Variants in GRM8 observed in about 807,000 individuals in gnomAD.
GRM8 encodes the protein metabotropic glutamate receptor 8.
GRM8 carries 47 observed loss-of-function variants against 87.2 expected under a neutral mutation model. That is an observed-to-expected ratio of 0.54 (90% confidence interval 0.43 to 0.69). The LOEUF (loss-of-function observed/expected upper bound fraction) is 0.69. Ranked by LOEUF, GRM8 falls within the 30% of genes least tolerant of loss-of-function variation. GRM8 has a pLI of 0.00. For missense variants in GRM8, 1,019 were observed against 1,139.2 expected, an observed-to-expected ratio of 0.89 and a Z score of 1.52; for synonymous variants, 396 against 404.5, an observed-to-expected ratio of 0.98 and a Z score of 0.25.
chr7:126,749,748 G>C (rs1816191800), intron 7 of GRM8, among the ~76,000 whole-genome samples: 1 of 151,968 alleles, frequency 6.6e-6, no homozygotes, highest in Non-Finnish European at 1.5e-5. Flanking sequence ...GATAACTAGT[G>C]ACCAGAGAAA....
intron 3 of GRM8, among the ~76,000 whole-genome samples, chr7:127,024,580 T>A (rs1816591832): frequency 6.6e-6 from 1 of 152,086 alleles, no homozygotes; most frequent in Admixed American, 6.6e-5. Flanking sequence ...GACATCTCTT[T>A]GCTGACTGAA....
At chr7:126,935,174 T>C (rs2131478309) in intron 3 of GRM8, among the ~76,000 whole-genome samples, 1 of 152,278 alleles carries the variant, frequency 6.6e-6, no homozygotes, top group South Asian at 2.1e-4. Flanking sequence ...ATGCAAATCT[T>C]GCATTCTACA....
At chr7:126,771,989 G>C (rs763268466) in intron 6 of GRM8, among the ~76,000 whole-genome samples, 1 of 152,052 alleles carries the variant, frequency 6.6e-6, no homozygotes, top group African/African-American at 2.4e-5. Flanking sequence ...AACACTGCTT[G>C]TTCCCAGAAT....
At chr7:126,763,009 A>G (rs893355213) in intron 7 of GRM8, among the ~76,000 whole-genome samples, 6 of 151,816 alleles carry the variant, frequency 4.0e-5, no homozygotes, top group Non-Finnish European at 8.8e-5. Flanking sequence ...GTTTATTAAC[A>G]TTTACAAGTT....
At chr7:127,199,702 G>A (rs1199984960) in intron 2 of GRM8, among the ~76,000 whole-genome samples, 1 of 152,192 alleles carries the variant, frequency 6.6e-6, no homozygotes. Flanking sequence ...TAAAAATGAT[G>A]CAAATTGTGC....
At chr7:127,153,283 T>C (rs755179911) in intron 2 of GRM8, among the ~76,000 whole-genome samples, 1 of 152,112 alleles carries the variant, frequency 6.6e-6, no homozygotes, top group Non-Finnish European at 1.5e-5. Flanking sequence ...ACCAAGCTAG[T>C]ACAAGTCCAA....
intron 3 of GRM8, among the ~76,000 whole-genome samples, chr7:126,945,783 C>G (rs541093779): frequency 1.3e-5 from 2 of 152,196 alleles, no homozygotes; most frequent in Non-Finnish European, 2.9e-5. Context: ...CTACCTAGAG[C>G]TATACATTTT....
chr7:127,145,667 C>T (rs1056850702), intron 2 of GRM8, among the ~76,000 whole-genome samples: 6 of 151,868 alleles, frequency 4.0e-5, no homozygotes, highest in African/African-American at 1.5e-4. Flanking sequence ...TAAATATGGG[C>T]CATTCAACAC....
rs541083623 is a variant in GRM8, at chr7:126,701,615, T to C, written c.1357+68250A>G. ...ATTGGAAAACCATACACTAGAACCC[T>C]GCTTTTGATTTTTGTTACAAGATCT... On this transcript the variant is annotated intron_variant, in intron 7 of 10. Coordinates refer to ENST00000339582, the MANE Select transcript of GRM8 (RefSeq NM_000845.3). 114 of 364,568 alleles carry C rather than the reference T, an allele frequency of 3.1e-4. 1 individual carries two copies. The highest frequency in any genetic ancestry group is 4.2e-4 in the Non-Finnish European group (77 of 183,124). 22.6% of individuals were successfully genotyped at this position (364,568 alleles called of 1,614,324 possible). A position where few individuals can be genotyped will look rare whatever the true frequency, so the allele number is the denominator to read the frequency against.
At chr7:126,888,277 A>G (rs559895371) in intron 6 of GRM8, among the ~76,000 whole-genome samples, 2 of 152,202 alleles carry the variant, frequency 1.3e-5, no homozygotes, top group South Asian at 4.1e-4. Flanking sequence ...CACTCTGACT[A>G]GGGACAAAGA....
chr7:127,103,130 A>T (rs909657880), intron 3 of GRM8, among the ~76,000 whole-genome samples: 3 of 152,266 alleles, frequency 2.0e-5, no homozygotes, highest in Non-Finnish European at 4.4e-5. Flanking sequence ...GGCATGAGCC[A>T]TCACACCAAG....
At chr7:126,913,924 A>T (rs528002909) in intron 3 of GRM8, among the ~76,000 whole-genome samples, 2 of 152,324 alleles carry the variant, frequency 1.3e-5, no homozygotes, top group South Asian at 4.1e-4. Flanking sequence ...AAAAGAGCAA[A>T]ACTGCACTTA....
chr7:127,154,592 C>T (rs1792608823), intron 2 of GRM8, among the ~76,000 whole-genome samples: 1 of 152,092 alleles, frequency 6.6e-6, no homozygotes, highest in African/African-American at 2.4e-5. Flanking sequence ...TTCCCCATAA[C>T]TTGAAAAGCA....
chr7:127,192,685 C>T (rs967666399), intron 2 of GRM8, among the ~76,000 whole-genome samples: 3 of 152,180 alleles, frequency 2.0e-5, no homozygotes, highest in African/African-American at 7.2e-5. Context: ...TCATGTTCTA[C>T]GCAAGTACAA....
At chr7:127,048,534 T>C (rs996540725) in intron 3 of GRM8, among the ~76,000 whole-genome samples, 2 of 152,254 alleles carry the variant, frequency 1.3e-5, no homozygotes, top group African/African-American at 4.8e-5. Flanking sequence ...CAAGAGGCCA[T>C]GGCAGTATTG....
At chr7:127,119,910 G>T (rs1184150456) in intron 2 of GRM8, among the ~76,000 whole-genome samples, 2 of 152,090 alleles carry the variant, frequency 1.3e-5, no homozygotes, top group Non-Finnish European at 2.9e-5. Flanking sequence ...ACTCTTTTGT[G>T]TTCACTTCAT....
At chr7:127,239,200 A>G (rs530619370) in intron 2 of GRM8, among the ~76,000 whole-genome samples, 3 of 152,248 alleles carry the variant, frequency 2.0e-5, no homozygotes, top group Non-Finnish European at 4.4e-5. Context: ...TGTCCAAAAA[A>G]AGGAAACTGA....
At chr7:126,880,327 G>A (rs1464692056) in intron 6 of GRM8, among the ~76,000 whole-genome samples, 1 of 152,224 alleles carries the variant, frequency 6.6e-6, no homozygotes, top group Non-Finnish European at 1.5e-5. Context: ...AAGTTCAACA[G>A]TCTTAATGCA....
At chr7:126,888,850 A>ATAAT (rs1358231059) in intron 6 of GRM8, among the ~76,000 whole-genome samples, 5 of 152,160 alleles carry the variant, frequency 3.3e-5, no homozygotes, top group Admixed American at 6.6e-5. Context: ...TTAATAAAAA[A>ATAAT]TAATAATCAT....
Sources: allele counts gnomAD v4.1 joint callset (sites outside exome capture counted in the v4.1 genomes callset), GRCh38; gene constraint gnomAD v4.1.1; transcripts MANE v1.5; gene names NCBI Gene and HGNC (gene_info 2026-07-23, HGNC 2026-07-21).